Variants in ELF1 observed in about 807,000 individuals in gnomAD.
The protein encoded by ELF1 is E74 like ETS transcription factor 1, also known as ETS-related transcription factor Elf-1.
In ELF1, 24 loss-of-function variants were observed where a neutral mutation model predicts 59.9. The observed-to-expected ratio is 0.40, with a 90% confidence interval of 0.29 to 0.56. The LOEUF is 0.56. Among genes scored for constraint, ELF1 ranks in the 20% least tolerant of loss-of-function variants. The probability of loss-of-function intolerance (pLI) is 0.44; values close to 1 mark genes in which losing one functional copy is unlikely to be tolerated. For missense variants in ELF1, 627 were observed against 742.2 expected (o/e 0.84, Z 1.80); for synonymous variants, 248 against 266.2 (o/e 0.93, Z 0.67).
At chr13:41,060,131 G>T (rs1185637250) in intron 1 of ELF1, among the ~76,000 whole-genome samples, 2 of 152,196 alleles carry the variant, frequency 1.3e-5, no homozygotes, top group Non-Finnish European at 2.9e-5. Context: ...GCCGCGGGTG[G>T]AGACGCGAGC....
chr13:40,939,770 G>T (rs150007236), intron 8 of ELF1, among the ~76,000 whole-genome samples: 24 of 152,204 alleles, frequency 1.6e-4, no homozygotes, highest in African/African-American at 5.8e-4. Flanking sequence ...TGCTGTGCCG[G>T]GTAAGTATAA....
Position 40,975,431 on chromosome 13 carries a change from C to A in ELF1, c.72+6552G>T, listed in dbSNP as rs542438297. On this transcript the variant is annotated intron_variant, in intron 2 of 8. Coordinates refer to ENST00000239882, the MANE Select transcript of ELF1 (RefSeq NM_172373.4). Reference sequence around the variant, plus strand: ...ATATACAACAGAGTAGAGGGAAAAACAAAAGCATCCACATGCCTACAACCA... The same window carrying A: ...ATATACAACAGAGTAGAGGGAAAAAAAAAAGCATCCACATGCCTACAACCA... Among the ~76,000 whole-genome samples, 13 of 152,092 alleles carry A rather than the reference C, an allele frequency of 8.5e-5. No homozygotes were observed. The South Asian group carries it at 2.7e-3, about 32-fold the overall frequency.
upstream of ELF1, among the ~76,000 whole-genome samples, chr13:41,023,387 A>G (rs1875762907): frequency 6.6e-6 from 1 of 152,260 alleles, no homozygotes; most frequent in Non-Finnish European, 1.5e-5. Context: ...TGCTATGACT[A>G]TCAGAGATGG....
intron 1 of ELF1, among the ~76,000 whole-genome samples, chr13:41,053,807 T>C (rs74439832): frequency 0.012 from 1,817 of 152,302 alleles, 42 homozygotes; most frequent in African/African-American, 0.04. Flanking sequence ...ACTACCAAAC[T>C]AGTATAATTT....
chr13:41,053,316 T>C (rs974879721), intron 1 of ELF1, among the ~76,000 whole-genome samples: 3 of 151,490 alleles, frequency 2.0e-5, no homozygotes, highest in African/African-American at 7.3e-5. Context: ...ATCATGCTAC[T>C]GCACTCCAGC....
chr13:40,955,139 C>G (rs866286413), intron 3 of ELF1, among the ~76,000 whole-genome samples: 2 of 150,394 alleles, frequency 1.3e-5, no homozygotes, highest in African/African-American at 2.4e-5. Flanking sequence ...TGGCAACCGC[C>G]GCGTCTGAGA....
intron 3 of ELF1, among the ~76,000 whole-genome samples, chr13:40,958,570 A>C (rs963164427): frequency 2.6e-5 from 4 of 151,870 alleles, no homozygotes; most frequent in Non-Finnish European, 5.9e-5. Flanking sequence ...TGATGAATTG[A>C]GGTTTGGTTC....
At position 41,042,088 on chromosome 13, in the gene ELF1, T is replaced by C. The variant is rs147112786; in HGVS notation, c.-229+18750A>G. Among the ~76,000 whole-genome samples the C allele has an allele frequency of 1.4e-3, 211 of 152,294 alleles. 2 individuals are homozygous for C. In the East Asian group the frequency reaches 0.035, roughly 25 times the overall value. On this transcript the variant is annotated intron_variant, in intron 1 of 1. Coordinates refer to the ELF1 transcript ENST00000405737. ...CACAGGCTGGAGTGCAGTGGCACGA[T>C]CTAAGCTCACTGCAACCTCTGCCTC...
At chr13:40,969,907 T>C (rs1872421498) in intron 2 of ELF1, among the ~76,000 whole-genome samples, 1 of 152,172 alleles carries the variant, frequency 6.6e-6, no homozygotes. Flanking sequence ...TCTTACTATG[T>C]TGCCCGGGCT....
chr13:41,038,122 C>T (rs1268849674), intron 1 of ELF1, among the ~76,000 whole-genome samples: 2 of 146,714 alleles, frequency 1.4e-5, no homozygotes, highest in Admixed American at 1.4e-4. Context: ...TTACCTCAAG[C>T]AGCTAAGTAC....
At chr13:40,946,502 C>T (rs1296157360) in intron 5 of ELF1, among the ~76,000 whole-genome samples, 1 of 152,102 alleles carries the variant, frequency 6.6e-6, no homozygotes, top group Non-Finnish European at 1.5e-5. Context: ...TAAAACTGAC[C>T]CTCAAACAAA....
chr13:41,011,968 T>C (rs1433579448), intron 1 of ELF1, among the ~76,000 whole-genome samples: 1 of 152,074 alleles, frequency 6.6e-6, no homozygotes. Context: ...TTCCTCAAGA[T>C]ACTTATAAAT....
chr13:41,010,517 TTTCCTTGCCTTAGA>T (rs1221679550), intron 1 of ELF1, among the ~76,000 whole-genome samples: 1 of 143,182 alleles, frequency 7.0e-6, no homozygotes, highest in African/African-American at 2.6e-5. Context: ...GTGTGCACAC[TTTCCTTGCCTTAGA>T]TCACATGTAG....
chr13:40,952,411 G>C (rs1870913220), intron 3 of ELF1, among the ~76,000 whole-genome samples: 1 of 150,938 alleles, frequency 6.6e-6, no homozygotes, highest in Non-Finnish European at 1.5e-5. Context: ...TCCCAGGCTA[G>C]AGTGCAGTGG....
intron 1 of ELF1, among the ~76,000 whole-genome samples, chr13:41,058,070 GTTTC>G (rs1420864169): frequency 8.9e-5 from 13 of 146,660 alleles, no homozygotes; most frequent in African/African-American, 2.7e-4. Context: ...TATTCTACAT[GTTTC>G]TTTATTGTTT....
intron 1 of ELF1, among the ~76,000 whole-genome samples, chr13:41,047,289 T>C (rs568084056): frequency 6.6e-6 from 1 of 152,364 alleles, no homozygotes; most frequent in South Asian, 2.1e-4. Flanking sequence ...GTCAAAGTCA[T>C]TCTCCGTCCA....
chr13:40,934,159 G>C (rs1869606464), intron 8 of ELF1, 131 bp from the exon 9 acceptor site: 2 of 1,214,514 alleles, frequency 1.6e-6, no homozygotes, highest in African/African-American at 1.5e-5. Context: ...ATTTTCAACA[G>C]AGCATGACCA....
chr13:40,969,457 G>T (rs1872389360), intron 2 of ELF1, among the ~76,000 whole-genome samples: 1 of 152,086 alleles, frequency 6.6e-6, no homozygotes. Context: ...TTGTAAAATG[G>T]GGATAACAAG....
At chr13:41,016,237 T>C (rs1449632269) in intron 1 of ELF1, among the ~76,000 whole-genome samples, 1 of 152,226 alleles carries the variant, frequency 6.6e-6, no homozygotes, top group Non-Finnish European at 1.5e-5. Context: ...AGGACAATGA[T>C]GGCCACACTG....
Sources: gnomAD v4.1 joint callset for allele counts (sites outside exome capture counted in the v4.1 genomes callset) on GRCh38, gnomAD v4.1.1 for gene constraint, MANE v1.5 for transcripts, NCBI Gene and HGNC (gene_info 2026-07-23, HGNC 2026-07-21) for gene names.